The following ASTN2 variants were observed in gnomAD, a reference collection of about 807,000 sequenced individuals.
ASTN2 encodes the protein astrotactin-2.
ASTN2 carries 54 observed loss-of-function variants against 139.8 expected under a neutral mutation model. The observed-to-expected ratio is 0.39, with a 90% CI of 0.31 to 0.48. ASTN2 has a LOEUF of 0.48. Among genes scored for constraint, ASTN2 ranks in the 20% least tolerant of loss-of-function variants. The probability of loss-of-function intolerance (pLI) is 0.95; values close to 1 mark genes in which losing one functional copy is unlikely to be tolerated. For missense variants in ASTN2, 1,565 were observed against 1,725.1 expected (o/e 0.91, Z 1.64); for synonymous variants, 756 against 719.5 (o/e 1.05, Z -0.81).
intron 1 of ASTN2, among the ~76,000 whole-genome samples, chr9:117,323,295 C>T (rs905899506): frequency 4.6e-5 from 7 of 152,074 alleles, no homozygotes; most frequent in Non-Finnish European, 8.8e-5. Flanking sequence ...CCCCCAAAGC[C>T]TCATTCTCAA....
intron 10 of ASTN2, among the ~76,000 whole-genome samples, chr9:116,929,764 AT>A (rs982612279): frequency 6.6e-6 from 1 of 152,186 alleles, no homozygotes; most frequent in African/African-American, 2.4e-5. Context: ...ACTGTTAATA[AT>A]TTTTCCCCTT....
chr9:117,158,541 T>C (rs1180612350), intron 3 of ASTN2, among the ~76,000 whole-genome samples: 1 of 152,052 alleles, frequency 6.6e-6, no homozygotes, highest in Non-Finnish European at 1.5e-5. Context: ...CAGAACTAAA[T>C]CAAAACTTTC....
intron 3 of ASTN2, among the ~76,000 whole-genome samples, chr9:117,167,906 T>A (rs1054240855): frequency 2.6e-5 from 4 of 152,088 alleles, no homozygotes; most frequent in Non-Finnish European, 5.9e-5. Flanking sequence ...CTAAGAGCAA[T>A]GTTTTATAGC....
chr9:117,271,984 C>G (rs916365819), intron 2 of ASTN2, among the ~76,000 whole-genome samples: 1 of 152,190 alleles, frequency 6.6e-6, no homozygotes, highest in Non-Finnish European at 1.5e-5. Context: ...CTTCTCACAG[C>G]TATACTAGGC....
At chr9:116,870,365 T>C (rs1201901289) in intron 10 of ASTN2, among the ~76,000 whole-genome samples, 1 of 152,158 alleles carries the variant, frequency 6.6e-6, no homozygotes, top group Non-Finnish European at 1.5e-5. Context: ...GAGGATATAA[T>C]AACATGATAT....
intron 3 of ASTN2, among the ~76,000 whole-genome samples, chr9:117,204,522 CAGAA>C (rs35191539): frequency 0.35 from 52,654 of 151,752 alleles, 9,204 homozygotes; most frequent in East Asian, 0.42. Flanking sequence ...GCTTAGCAGA[CAGAA>C]AGAGAAACTG....
intron 20 of ASTN2, among the ~76,000 whole-genome samples, chr9:116,445,865 T>TGGGGGCCTCGGGATGGA (rs1847971194): frequency 6.6e-6 from 1 of 152,090 alleles, no homozygotes; most frequent in Non-Finnish European, 1.5e-5. Context: ...AACATGCCAG[T>TGGGGGCCTCGGGATGGA]GGGGGCCTCG....
chr9:116,532,405 T>C (rs4836739), intron 19 of ASTN2, among the ~76,000 whole-genome samples: 139,278 of 152,256 alleles, frequency 0.91, 63,758 homozygotes, highest in Admixed American at 0.94. Context: ...GTTGCCACTG[T>C]TTTTGGTGTT....
intron 2 of ASTN2, among the ~76,000 whole-genome samples, chr9:117,250,627 TG>T (rs1833511358): frequency 6.6e-6 from 1 of 152,206 alleles, no homozygotes; most frequent in African/African-American, 2.4e-5. Flanking sequence ...AAAGTAATCA[TG>T]GCTTTTGCCA....
chr9:117,398,678 T>G (rs1233652451), intron 1 of ASTN2, among the ~76,000 whole-genome samples: 1 of 152,242 alleles, frequency 6.6e-6, no homozygotes, highest in Non-Finnish European at 1.5e-5. Flanking sequence ...AAACTGTTTG[T>G]CATGGCCACC....
chr9:117,368,047 C>G (rs1270260923), intron 1 of ASTN2, among the ~76,000 whole-genome samples: 1 of 152,020 alleles, frequency 6.6e-6, no homozygotes, highest in Non-Finnish European at 1.5e-5. Context: ...GCCTGACCAC[C>G]AGAAAAGTGA....
chr9:117,370,387 G>A (rs531135693), intron 1 of ASTN2, among the ~76,000 whole-genome samples: 355 of 152,266 alleles, frequency 2.3e-3, no homozygotes, highest in Non-Finnish European at 4.4e-3. Context: ...AAGGCACACG[G>A]CCTCTAAGCT....
intron 7 of ASTN2, among the ~76,000 whole-genome samples, chr9:117,002,219 A>T (rs1213281427): frequency 6.6e-6 from 1 of 152,200 alleles, no homozygotes; most frequent in African/African-American, 2.4e-5. Context: ...AAACTTTCAA[A>T]CAGTAACTCA....
intron 10 of ASTN2, among the ~76,000 whole-genome samples, chr9:116,882,481 G>T (rs1230348585): frequency 6.6e-6 from 1 of 152,142 alleles, no homozygotes; most frequent in Non-Finnish European, 1.5e-5. Context: ...AGGCAGAAAA[G>T]GAGGAGGAGG....
chr9:117,094,335 C>A (rs1250160876), intron 5 of ASTN2, among the ~76,000 whole-genome samples: 1 of 151,930 alleles, frequency 6.6e-6, no homozygotes, highest in East Asian at 1.9e-4. Flanking sequence ...AGGCCTGTAG[C>A]TTGCTTTTGC....
At chr9:116,608,624 G>C (rs1564150265) in intron 19 of ASTN2, among the ~76,000 whole-genome samples, 1 of 152,022 alleles carries the variant, frequency 6.6e-6, no homozygotes, top group Non-Finnish European at 1.5e-5. Context: ...GAACAAAAGA[G>C]TTTGAACAAA....
rs376352783 is a variant in ASTN2, at chr9:116,822,131, G to A, written c.2041-1348C>T. The stretch of plus-strand genomic sequence containing the variant: ...TCCCCGCTCCCCTTCCCATGCCATC[G>A]TCCTAAACAACATCAATAATAAAAC... On this transcript the variant is annotated intron_variant, in intron 11 of 22. Coordinates refer to ENST00000313400, the MANE Select transcript of ASTN2 (RefSeq NM_001365068.1). Among the ~76,000 whole-genome samples the A allele has an allele frequency of 1.9e-4, 29 of 151,286 alleles. No individual in the cohort carries two copies. The East Asian group carries it at 3.5e-3, about 18-fold the overall frequency.
intron 4 of ASTN2, among the ~76,000 whole-genome samples, chr9:117,135,489 C>T (rs1416436928): frequency 1.3e-5 from 2 of 152,206 alleles, no homozygotes; most frequent in African/African-American, 4.8e-5. Flanking sequence ...TCCATCCATT[C>T]ATTAATTTAT....
At chr9:116,602,960 C>G (rs1854986091) in intron 19 of ASTN2, among the ~76,000 whole-genome samples, 1 of 152,176 alleles carries the variant, frequency 6.6e-6, no homozygotes, top group Non-Finnish European at 1.5e-5. Flanking sequence ...TGTAAGTTGA[C>G]AGGAGAAACC....
Sources: gnomAD v4.1 joint callset for allele counts (sites outside exome capture counted in the v4.1 genomes callset) on GRCh38, gnomAD v4.1.1 for gene constraint, MANE v1.5 for transcripts, NCBI Gene and HGNC (gene_info 2026-07-23, HGNC 2026-07-21) for gene names.